The following ADGRL3 variants were observed in gnomAD, a reference collection of about 807,000 sequenced individuals.
ADGRL3 encodes calcium-independent alpha-latrotoxin receptor 3.
Under a neutral mutation model 153.5 loss-of-function variants are expected in ADGRL3, and 62 were observed. That is an observed-to-expected ratio of 0.40 (90% confidence interval 0.33 to 0.50). The LOEUF (loss-of-function observed/expected upper bound fraction) is 0.50. Ranked by LOEUF, ADGRL3 falls within the 20% of genes least tolerant of loss-of-function variation. The pLI, the probability that ADGRL3 is intolerant of heterozygous loss-of-function variation, is 0.47. For missense variants in ADGRL3, 1,641 were observed against 1,859.4 expected (o/e 0.88, Z 2.16); for synonymous variants, 710 against 672.5 (o/e 1.06, Z -0.86).
chr4:61,936,888 C>T (rs1444794527), intron 15 of ADGRL3, among the ~76,000 whole-genome samples: 1 of 151,692 alleles, frequency 6.6e-6, no homozygotes, highest in Non-Finnish European at 1.5e-5. Flanking sequence ...ACCTCAGTTC[C>T]TAGCAACCAA....
intron 23 of ADGRL3, among the ~76,000 whole-genome samples, chr4:62,037,375 A>G (rs1267062459): frequency 1.3e-5 from 2 of 152,108 alleles, no homozygotes; most frequent in African/African-American, 4.8e-5. Context: ...CCCTTGCACC[A>G]ACAGGCTACT....
At chr4:61,507,562 T>C (rs1216280525) in intron 3 of ADGRL3, among the ~76,000 whole-genome samples, 1 of 152,222 alleles carries the variant, frequency 6.6e-6, no homozygotes, top group Non-Finnish European at 1.5e-5. Flanking sequence ...AGATGTGATA[T>C]GGTTTGGCTC....
chr4:61,217,522 T>C (rs1395191702), intron 1 of ADGRL3, among the ~76,000 whole-genome samples: 1 of 152,196 alleles, frequency 6.6e-6, no homozygotes, highest in Non-Finnish European at 1.5e-5. Flanking sequence ...AGTTTTCCTT[T>C]TACAGAGAAA....
At chr4:61,467,811 G>T (rs2097903564) in intron 2 of ADGRL3, among the ~76,000 whole-genome samples, 1 of 151,972 alleles carries the variant, frequency 6.6e-6, no homozygotes, top group African/African-American at 2.4e-5. Flanking sequence ...CATATTACTT[G>T]TTCTTTTCTT....
chr4:61,878,231 A>G (rs1172699533), intron 9 of ADGRL3, among the ~76,000 whole-genome samples: 1 of 152,120 alleles, frequency 6.6e-6, no homozygotes, highest in East Asian at 1.9e-4. Context: ...ACCTCATTTT[A>G]CCTTAGTTAC....
intron 8 of ADGRL3, among the ~76,000 whole-genome samples, chr4:61,795,763 C>T (rs1370563531): frequency 6.6e-6 from 1 of 152,124 alleles, no homozygotes; most frequent in Non-Finnish European, 1.5e-5. Context: ...TATTCCGCTT[C>T]CCCAAGCAGA....
chr4:61,491,472 C>G (rs144667302), intron 2 of ADGRL3, among the ~76,000 whole-genome samples: 367 of 152,260 alleles, frequency 2.4e-3, no homozygotes, highest in African/African-American at 8.3e-3. Flanking sequence ...TATGTGCACA[C>G]AAATCACGAT....
chr4:61,789,528 TACAC>T (rs1294910955), intron 8 of ADGRL3, among the ~76,000 whole-genome samples: 4 of 152,304 alleles, frequency 2.6e-5, no homozygotes, highest in Admixed American at 2.0e-4. Flanking sequence ...TTCTTTAAAA[TACAC>T]AATAAAGTTC....
At chr4:61,269,188 A>G (rs184990304) in intron 1 of ADGRL3, among the ~76,000 whole-genome samples, 2 of 151,758 alleles carry the variant, frequency 1.3e-5, no homozygotes, top group African/African-American at 4.8e-5. Context: ...CTGCTGTATG[A>G]CCAGTTTTAA....
chr4:61,384,936 TA>T (rs1206949857), intron 2 of ADGRL3, among the ~76,000 whole-genome samples: 1 of 152,096 alleles, frequency 6.6e-6, no homozygotes, highest in Non-Finnish European at 1.5e-5. Flanking sequence ...TGCTAACGGA[TA>T]CAAGGTTTCC....
intron 2 of ADGRL3, among the ~76,000 whole-genome samples, chr4:61,428,877 C>A (rs897671642): frequency 1.5e-5 from 2 of 131,452 alleles, no homozygotes; most frequent in African/African-American, 5.7e-5. Flanking sequence ...CTATCTATAT[C>A]ATCTATCTAT....
chr4:61,614,864 A>G (rs572736101), intron 5 of ADGRL3, among the ~76,000 whole-genome samples: 1 of 152,152 alleles, frequency 6.6e-6, no homozygotes, highest in South Asian at 2.1e-4. Context: ...TCCAACTAGA[A>G]TATCAGCTCT....
intron 1 of ADGRL3, among the ~76,000 whole-genome samples, chr4:61,339,928 G>C (rs949845986): frequency 1.7e-4 from 26 of 152,134 alleles, no homozygotes; most frequent in African/African-American, 6.3e-4. Context: ...TAACTCTTCA[G>C]GCAGAGAGAA....
intron 9 of ADGRL3, among the ~76,000 whole-genome samples, chr4:61,859,229 C>T (rs567937865): frequency 6.6e-6 from 1 of 152,184 alleles, no homozygotes; most frequent in South Asian, 2.1e-4. Flanking sequence ...TAAATACCTC[C>T]TTATTTAGAG....
Position 61,431,757 on chromosome 4 carries a change from A to G in ADGRL3, c.-174+48568A>G, listed in dbSNP as rs145114388. Among the ~76,000 whole-genome samples the G allele has an allele frequency of 9.2e-5, 14 of 152,342 alleles. No individual in the cohort carries two copies. In the East Asian group the frequency reaches 2.7e-3, roughly 29 times the overall value. On this transcript the variant is annotated intron_variant, in intron 2 of 26. Transcript: ENST00000683033. ...AAGTCATAATATGGATGTCAATAAT[A>G]GTTTATAAAGTTCTTGTCTGCTAAA...
chr4:61,445,460 T>A (rs542472230), intron 2 of ADGRL3, among the ~76,000 whole-genome samples: 1 of 152,312 alleles, frequency 6.6e-6, no homozygotes, highest in Admixed American at 6.5e-5. Flanking sequence ...ACTGTTTAAC[T>A]TGGGTTCTAA....
intron 13 of ADGRL3, among the ~76,000 whole-genome samples, chr4:61,927,814 C>A (rs2098800754): frequency 6.6e-6 from 1 of 151,802 alleles, no homozygotes; most frequent in African/African-American, 2.4e-5. Context: ...AACTGATAAA[C>A]CTTATATCAA....
At chr4:61,994,889 C>T (rs987622021) in intron 19 of ADGRL3, among the ~76,000 whole-genome samples, 2 of 150,824 alleles carry the variant, frequency 1.3e-5, no homozygotes, top group African/African-American at 2.4e-5. Flanking sequence ...GATTCTGTCC[C>T]GTACTTTTTT....
intron 6 of ADGRL3, among the ~76,000 whole-genome samples, chr4:61,721,168 T>C (rs889812955): frequency 1.3e-5 from 2 of 152,110 alleles, no homozygotes; most frequent in Non-Finnish European, 2.9e-5. Flanking sequence ...ACTAATAGGA[T>C]AGATGTATAT....
Sources: allele counts gnomAD v4.1 joint callset (sites outside exome capture counted in the v4.1 genomes callset), GRCh38; gene constraint gnomAD v4.1.1; transcripts MANE v1.5; gene names NCBI Gene and HGNC (gene_info 2026-07-23, HGNC 2026-07-21).